Variants in ATP8A1 observed in about 807,000 individuals in gnomAD.
ATP8A1 encodes the protein ATPase phospholipid transporting 8A1, also known as phospholipid-transporting ATPase IA.
A neutral mutation model predicts 177.7 loss-of-function variants in ATP8A1; 90 were observed. That is an observed-to-expected ratio of 0.51 (90% CI 0.43 to 0.60). The LOEUF (loss-of-function observed/expected upper bound fraction) is 0.60. ATP8A1 is among the 20% of genes least tolerant of loss of function. ATP8A1 has a pLI of 0.00. For missense variants in ATP8A1, 1,072 were observed against 1,392.8 expected (o/e 0.77, Z 3.67); for synonymous variants, 493 against 485.9 (o/e 1.01, Z -0.19).
intron 24 of ATP8A1, among the ~76,000 whole-genome samples, chr4:42,490,237 C>A (rs1560383409): frequency 6.6e-6 from 1 of 152,216 alleles, no homozygotes; most frequent in Non-Finnish European, 1.5e-5. Flanking sequence ...TTAGCCTGAA[C>A]CTCCTACTAT....
intron 25 of ATP8A1, among the ~76,000 whole-genome samples, chr4:42,467,756 A>G (rs1050525351): frequency 2.0e-5 from 3 of 152,172 alleles, no homozygotes. Flanking sequence ...TTCCCTGACC[A>G]TTAGTGATGT....
intron 5 of ATP8A1, among the ~76,000 whole-genome samples, chr4:42,603,397 T>G (rs1443897321): frequency 6.6e-6 from 1 of 152,250 alleles, no homozygotes; most frequent in Admixed American, 6.5e-5. Context: ...TAAATTTTTG[T>G]ACAATGAATG....
chr4:42,581,815 C>T (rs963051303), intron 9 of ATP8A1, 83 bp from the exon 10 acceptor site: 51 of 969,190 alleles, frequency 5.3e-5, no homozygotes, highest in Non-Finnish European at 6.6e-5. Flanking sequence ...ACAAAAGTAC[C>T]CATTATTAAA....
In ATP8A1 at chr4:42,578,400, G is replaced by C. The variant is rs746606328; in HGVS notation, c.1001-13C>G. ...CTAGCGCCACCATCTGTTGGGAGAG[G>C]CAGGAAGAACGTCATTTACAGTTTT... On this transcript the variant is annotated splice_polypyrimidine_tract_variant and intron_variant, in intron 11 of 36. Coordinates refer to ENST00000381668, the MANE Select transcript of ATP8A1 (RefSeq NM_006095.2). The C allele has an allele frequency of 6.2e-7, 1 of 1,604,876 alleles. No individual in the cohort carries two copies. Among genetic ancestry groups the C allele is most frequent in the Non-Finnish European group, 8.5e-7 (1 of 1,176,678 alleles).
intron 15 of ATP8A1, among the ~76,000 whole-genome samples, chr4:42,563,098 A>T (rs1731007434): frequency 6.6e-6 from 1 of 152,206 alleles, no homozygotes; most frequent in Admixed American, 6.5e-5. Flanking sequence ...GAAGAAGACA[A>T]GAAAATGTGG....
chr4:42,422,605 C>T (rs1714105144), intron 35 of ATP8A1, among the ~76,000 whole-genome samples: 1 of 152,110 alleles, frequency 6.6e-6, no homozygotes, highest in Admixed American at 6.5e-5. Context: ...GAAATTGAGG[C>T]TCAGTAGGAT....
chr4:42,495,841 C>CAA (rs1166798771), intron 24 of ATP8A1, among the ~76,000 whole-genome samples: 2 of 152,004 alleles, frequency 1.3e-5, no homozygotes, highest in African/African-American at 4.8e-5. Flanking sequence ...CGCATTTAAT[C>CAA]AATATATATT....
chr4:42,414,828 A>T, intron 35 of ATP8A1, 110 bp from the exon 36 acceptor site: 1 of 784,556 alleles, frequency 1.3e-6, no homozygotes, highest in Non-Finnish European at 2.2e-6. Context: ...TTGCTCGAGA[A>T]ATCCGTAGCC....
At chr4:42,454,567 A>G (rs1045610813) in intron 29 of ATP8A1, among the ~76,000 whole-genome samples, 4 of 152,118 alleles carry the variant, frequency 2.6e-5, no homozygotes, top group Non-Finnish European at 2.9e-5. Context: ...TTTCCTCCTC[A>G]CTCACATTAA....
In ATP8A1 at chr4:42,656,969, A is replaced by G. The variant is rs1348596084; in HGVS notation, c.-96T>C. ...CCCGGCTGCGCCGCGCAGAGCGCTCAGCTGCAGCCTGGGCCGCGCCGCCGC... is the reference window on the plus strand; with the variant it reads ...CCCGGCTGCGCCGCGCAGAGCGCTCGGCTGCAGCCTGGGCCGCGCCGCCGC... On this transcript the variant is annotated 5_prime_UTR_variant, in exon 1 of 37. Transcript: ENST00000381668. 3.2e-6 allele frequency: 4 copies of G among 1,259,744 alleles called. No homozygotes were observed. The East Asian group carries it at 9.5e-5, about 30-fold the overall frequency. 78.0% of individuals were successfully genotyped at this position (1,259,744 alleles called of 1,614,324 possible).
chr4:42,552,385 G>A, intron 17 of ATP8A1, 120 bp downstream of exon 17: 1 of 743,592 alleles, frequency 1.3e-6, no homozygotes, highest in Non-Finnish European at 2.2e-6. Flanking sequence ...TTTTCTAATT[G>A]GTAAATAAAA....
In ATP8A1 at chr4:42,412,717, CCAAAAGAGATGGTGTT is replaced by C. The variant is rs1712756729; in HGVS notation, c.*183_*198del. ...GACTTAGCAAATACCTTAAAAAAAT[CCAAAAGAGATGGTGTT>C]ACAGTACAGTTGCACAGTGCTTATG... On this transcript the variant is annotated 3_prime_UTR_variant, in exon 37 of 37. Coordinates refer to ENST00000381668, the MANE Select transcript of ATP8A1 (RefSeq NM_006095.2). The C allele has an allele frequency of 2.0e-5, 9 of 459,186 alleles. No individual in the cohort carries two copies. In the East Asian group the frequency reaches 3.1e-4, roughly 16 times the overall value. The allele number at this position is 459,186 out of a possible 1,614,324, so 28.4% of individuals were successfully genotyped here.
intron 1 of ATP8A1, among the ~76,000 whole-genome samples, chr4:42,636,624 T>C (rs530865255): frequency 6.6e-6 from 1 of 152,302 alleles, no homozygotes; most frequent in African/African-American, 2.4e-5. Context: ...AATGGAATTT[T>C]CAGTTGCATT....
At chr4:42,545,169 A>G (rs972493724) in intron 19 of ATP8A1, among the ~76,000 whole-genome samples, 1 of 152,004 alleles carries the variant, frequency 6.6e-6, no homozygotes, top group East Asian at 1.9e-4. Flanking sequence ...CAAAAAAAAA[A>G]AAAAAAAAAA....
At chr4:42,421,894 C>T (rs1226484059) in intron 35 of ATP8A1, among the ~76,000 whole-genome samples, 2 of 151,396 alleles carry the variant, frequency 1.3e-5, no homozygotes, top group African/African-American at 2.4e-5. Context: ...TCTTACAATG[C>T]TTTGTGAATT....
At chr4:42,499,129 G>A (rs1399483173) in intron 24 of ATP8A1, among the ~76,000 whole-genome samples, 2 of 152,120 alleles carry the variant, frequency 1.3e-5, no homozygotes, top group Non-Finnish European at 2.9e-5. Flanking sequence ...CAGGCTGAAG[G>A]TGAACATCAA....
intron 5 of ATP8A1, 91 bp downstream of exon 5, chr4:42,615,942 T>C: frequency 8.2e-7 from 1 of 1,216,288 alleles, no homozygotes. Flanking sequence ...AGATGCACAC[T>C]ATTTGCAATT....
chr4:42,582,612 GCCCTGACC>G (rs1163276628), intron 9 of ATP8A1, among the ~76,000 whole-genome samples: 1 of 151,122 alleles, frequency 6.6e-6, no homozygotes, highest in Non-Finnish European at 1.5e-5. Context: ...TGCATTGCCA[GCCCTGACC>G]CCCTACAGAC....
chr4:42,456,296 T>G (rs1236113980), intron 27 of ATP8A1, among the ~76,000 whole-genome samples: 1 of 152,104 alleles, frequency 6.6e-6, no homozygotes, highest in Non-Finnish European at 1.5e-5. Context: ...AAACCATATA[T>G]CTCTCTTTTT....
Sources: allele counts gnomAD v4.1 joint callset (sites outside exome capture counted in the v4.1 genomes callset), GRCh38; gene constraint gnomAD v4.1.1; transcripts MANE v1.5; gene names NCBI Gene and HGNC (gene_info 2026-07-23, HGNC 2026-07-21).